The following ITGAV variants were observed in gnomAD, a reference collection of about 807,000 sequenced individuals.
The protein encoded by ITGAV is integrin alpha-V.
Under a neutral mutation model 143.8 loss-of-function variants are expected in ITGAV, and 76 were observed. The ratio of observed to expected loss-of-function variants is 0.53; its 90% confidence interval spans 0.44 to 0.64. The LOEUF is 0.64. Ranked by LOEUF, ITGAV falls within the 30% of genes least tolerant of loss-of-function variation. ITGAV has a pLI of 0.00. For synonymous variants in ITGAV, 453 were observed against 446.7 expected, an observed-to-expected ratio of 1.01 and a Z score of -0.18; for missense variants, 1,193 against 1,274.7, an observed-to-expected ratio of 0.94 and a Z score of 0.98.
rs1689315485 is a variant in ITGAV at position 186,680,177 on chromosome 2, A to G, written c.*2885A>G. 1 of 152,068 alleles carries G rather than the reference A, an allele frequency of 6.6e-6. No individual in the cohort carries two copies. The highest frequency in any genetic ancestry group is 6.6e-5 in the Admixed American group (1 of 15,236). 9.4% of individuals were successfully genotyped at this position (152,068 alleles called of 1,614,324 possible). On this transcript the variant is annotated 3_prime_UTR_variant, in exon 30 of 30. Transcript: ENST00000261023. The stretch of plus-strand genomic sequence containing the variant: ...CTATGTGCAGCCACTACCCATCTCA[A>G]TGTCACCTTGTTTGCATTCTTGGAT...
intron 14 of ITGAV, among the ~76,000 whole-genome samples, chr2:186,651,442 A>T (rs1388102308): frequency 6.6e-6 from 1 of 152,204 alleles, no homozygotes; most frequent in Non-Finnish European, 1.5e-5. Flanking sequence ...CACTATAAGA[A>T]GGGTATATAA....
intron 7 of ITGAV, 59 bp downstream of exon 7, chr2:186,636,266 A>G: frequency 7.4e-7 from 1 of 1,353,246 alleles, no homozygotes; most frequent in South Asian, 1.4e-5. Flanking sequence ...CTTATATCTG[A>G]GTATGGTCTT....
intron 1 of ITGAV, among the ~76,000 whole-genome samples, chr2:186,597,708 A>G (rs1245544999): frequency 6.6e-6 from 1 of 152,206 alleles, no homozygotes; most frequent in Non-Finnish European, 1.5e-5. Flanking sequence ...GAGCAGCAGG[A>G]GAGTGAGCAT....
Position 186,668,185 on chromosome 2 carries a change from C to CATAT in ITGAV, c.2433+438_2433+441dup, listed in dbSNP as rs1225346630. Among the ~76,000 whole-genome samples, 155 of 19,056 alleles carry CATAT rather than the reference C, an allele frequency of 8.1e-3. 4 individuals carry two copies. The highest frequency in any genetic ancestry group is 0.018 in the South Asian group (5 of 282). The allele number at this position is 19,056 out of a possible 152,430, so 12.5% of individuals were successfully genotyped here. ...TTTGCCTTTTGTTTATACATACATA[C>CATAT]ATATATATATATATATATATATATA... On this transcript the variant is annotated intron_variant, in intron 24 of 29. Coordinates refer to ENST00000261023, the MANE Select transcript of ITGAV (RefSeq NM_002210.5).
intron 4 of ITGAV, among the ~76,000 whole-genome samples, chr2:186,626,449 C>G (rs1028352249): frequency 2.0e-5 from 3 of 152,070 alleles, no homozygotes; most frequent in Admixed American, 6.6e-5. Context: ...TGCCTAGAGC[C>G]CTTAGGCCAT....
chr2:186,676,528 C>T (rs538169267), intron 28 of ITGAV, among the ~76,000 whole-genome samples: 59 of 152,168 alleles, frequency 3.9e-4, no homozygotes, highest in African/African-American at 1.3e-3. Context: ...TGCAGTGAGC[C>T]GAGTTCATGC....
At chr2:186,669,841 C>A in intron 26 of ITGAV, 27 bp downstream of exon 26, 1 of 1,417,994 alleles carries the variant, frequency 7.1e-7, no homozygotes, top group African/African-American at 1.4e-5. Context: ...ATATGTGCAC[C>A]ATAGACATTT....
Position 186,665,139 on chromosome 2 carries a change from T to C in ITGAV, c.2087T>C (p.Leu696Pro). Residue 696 changes from leucine to proline, a missense_variant, in exon 21 of 30, where the codon CTT becomes CCT. By Grantham distance (98) the Leu-to-Pro change is moderately conservative. Transcript: ENST00000261023. ...GGTCTATCAAAGGCCTTAGCAAGACTTTCCTGTGCATTTAAGACAGAAAAC... is the reference window on the plus strand; with the variant it reads ...GGTCTATCAAAGGCCTTAGCAAGACCTTCCTGTGCATTTAAGACAGAAAAC... ...VVRNNEALAR[L>P]SCAFKTENQT... is the part of the protein sequence containing the mutation. The C allele has an allele frequency of 1.2e-6, 2 of 1,607,456 alleles. No individual in the cohort carries two copies. The highest frequency in any genetic ancestry group is 1.7e-6 in the Non-Finnish European group (2 of 1,176,500).
chr2:186,635,521 G>A (rs1331653301), intron 6 of ITGAV, among the ~76,000 whole-genome samples: 2 of 152,168 alleles, frequency 1.3e-5, no homozygotes, highest in African/African-American at 4.8e-5. Flanking sequence ...AGATTACTGT[G>A]TCCATATTGT....
At chr2:186,651,013 G>T (rs1688412970) in intron 14 of ITGAV, among the ~76,000 whole-genome samples, 1 of 152,132 alleles carries the variant, frequency 6.6e-6, no homozygotes. Context: ...AACCCCAAAT[G>T]AATATTTTTA....
At chr2:186,665,089 C>T in intron 20 of ITGAV, 37 bp from the exon 21 acceptor site, 3 of 1,185,280 alleles carry the variant, frequency 2.5e-6, no homozygotes, top group Admixed American at 4.2e-5. Flanking sequence ...TATTTCCTTT[C>T]ATATCCATTT....
chr2:186,604,988 C>T (rs1687019995), intron 2 of ITGAV, among the ~76,000 whole-genome samples: 1 of 152,070 alleles, frequency 6.6e-6, no homozygotes, highest in African/African-American at 2.4e-5. Flanking sequence ...GGACTATTGC[C>T]CTAGATTTCT....
chr2:186,628,551 TTGACCG>T (rs1382162259), intron 4 of ITGAV, among the ~76,000 whole-genome samples: 1 of 152,078 alleles, frequency 6.6e-6, no homozygotes, highest in Non-Finnish European at 1.5e-5. Flanking sequence ...ATTAAGTAAC[TTGACCG>T]TGGCTAACCA....
At chr2:186,657,539 G>A (rs1688625626) in intron 17 of ITGAV, among the ~76,000 whole-genome samples, 1 of 152,134 alleles carries the variant, frequency 6.6e-6, no homozygotes, top group African/African-American at 2.4e-5. Context: ...GTATTACAAT[G>A]AAAATGTGAC....
chr2:186,615,458 G>A lies in ITGAV; in HGVS notation c.317-6881G>A, dbSNP rs201733698. On this transcript the variant is annotated intron_variant, in intron 2 of 29. Coordinates refer to ENST00000261023, the MANE Select transcript of ITGAV (RefSeq NM_002210.5). Reference sequence around the variant, plus strand: ...GGTTTCAGTGTCTCCGTATCCTTGTGGACACTCATATTCTGTCTTTTTTAT... The same window carrying A: ...GGTTTCAGTGTCTCCGTATCCTTGTAGACACTCATATTCTGTCTTTTTTAT... Among the ~76,000 whole-genome samples the A allele has an allele frequency of 4.6e-5, 7 of 152,084 alleles. No homozygotes were observed. The East Asian group carries it at 9.7e-4, about 21-fold the overall frequency.
intron 2 of ITGAV, among the ~76,000 whole-genome samples, chr2:186,611,992 G>T (rs545590046): frequency 1.3e-5 from 2 of 152,240 alleles, no homozygotes; most frequent in Admixed American, 1.3e-4. Flanking sequence ...TCAATGCTTT[G>T]TAAACAAGAA....
intron 1 of ITGAV, among the ~76,000 whole-genome samples, chr2:186,601,256 A>C (rs1686895059): frequency 6.6e-6 from 1 of 152,040 alleles, no homozygotes; most frequent in Non-Finnish European, 1.5e-5. Flanking sequence ...ATTAAAAAAA[A>C]TTAAGCCTAG....
chr2:186,595,233 T>TA (rs542610187), intron 1 of ITGAV, among the ~76,000 whole-genome samples: 109 of 152,366 alleles, frequency 7.2e-4, no homozygotes, highest in Non-Finnish European at 1.4e-3. Flanking sequence ...CTAAATATAT[T>TA]AAACATGCTT....
At chr2:186,609,796 A>ATC (rs749269570) in intron 2 of ITGAV, among the ~76,000 whole-genome samples, 4 of 151,132 alleles carry the variant, frequency 2.6e-5, no homozygotes, top group Non-Finnish European at 5.9e-5. Flanking sequence ...TGCCCTACAT[A>ATC]TATATATATG....
Sources: allele counts gnomAD v4.1 joint callset (sites outside exome capture counted in the v4.1 genomes callset), GRCh38; gene constraint gnomAD v4.1.1; transcripts MANE v1.5; gene names NCBI Gene and HGNC (gene_info 2026-07-23, HGNC 2026-07-21).